Variants in RIN2 observed in about 807,000 individuals in gnomAD.
RIN2 encodes the protein RAB5 interacting protein 2.
RIN2 carries 36 observed loss-of-function variants against 78.0 expected under a neutral mutation model. The ratio of observed to expected loss-of-function variants is 0.46; its 90% CI spans 0.35 to 0.61. The LOEUF is 0.61. Ranked by LOEUF, RIN2 falls within the 20% of genes least tolerant of loss-of-function variation. The pLI is 0.00. For synonymous variants in RIN2, 466 were observed against 466.8 expected, an observed-to-expected ratio of 1.00 and a Z score of 0.02; for missense variants, 1,087 against 1,159.7, an observed-to-expected ratio of 0.94 and a Z score of 0.91.
rs1349226882 is a variant in RIN2 at position 19,975,198 on chromosome 20, C to T, written c.1173C>T (p.Gly391=). 5.6e-6 allele frequency: 9 copies of T among 1,602,122 alleles called. No homozygotes were observed. The East Asian group carries it at 9.0e-5, about 16-fold the overall frequency. The change falls in exon 9 of 13, where the codon GGC becomes GGT. Residue 391 remains glycine (G), a synonymous_variant. Transcript: ENST00000255006. The surrounding 1 kb of genome is among the most constrained non-coding windows in gnomAD (Gnocchi z 4.9). ...GCGCAGGCCCGGAGCTGGAGCTGGGCACAGCTGGCAGCCCAGGTGGGGCCC... is the reference window on the plus strand; with the variant it reads ...GCGCAGGCCCGGAGCTGGAGCTGGGTACAGCTGGCAGCCCAGGTGGGGCCC... The part of the protein sequence containing the change: ...RPGAGPELEL[G]TAGSPGGAPP...
intron 2 of RIN2, among the ~76,000 whole-genome samples, chr20:19,823,169 T>C (rs1192764676): frequency 6.6e-6 from 1 of 152,188 alleles, no homozygotes; most frequent in Non-Finnish European, 1.5e-5. Flanking sequence ...CCTGGTTTAA[T>C]AGTCGTAGAG....
chr20:19,758,709 C>T (rs984080171), intron 1 of RIN2, among the ~76,000 whole-genome samples: 1 of 152,118 alleles, frequency 6.6e-6, no homozygotes, highest in Admixed American at 6.5e-5. Context: ...GTGCACCGGA[C>T]GGAGTTTGGT....
chr20:19,982,743 T>A (rs923071713), intron 9 of RIN2, among the ~76,000 whole-genome samples: 5 of 152,214 alleles, frequency 3.3e-5, no homozygotes, highest in African/African-American at 1.2e-4. Context: ...GCATGAGGCT[T>A]TCACCAGAGC....
At chr20:19,851,057 A>AAAGGAAGGAAGGAAGGAAGGAAGG (rs142938284) in intron 2 of RIN2, among the ~76,000 whole-genome samples, 12 of 132,608 alleles carry the variant, frequency 9.0e-5, no homozygotes, top group African/African-American at 3.6e-4. Flanking sequence ...AAGGAGAAAG[A>AAAGGAAGGAAGGAAGGAAGGAAGG]AAGGAAGGAA....
At chr20:19,906,282 T>TAAAATACTAAAATACTAAATACTAAA (rs2039215460) in intron 3 of RIN2, among the ~76,000 whole-genome samples, 1 of 152,138 alleles carries the variant, frequency 6.6e-6, no homozygotes. Context: ...AGACCTTGTC[T>TAAAATACTAAAATACTAAATACTAAA]ATACTAAAAA....
chr20:19,921,345 C>T (rs2039910741), intron 3 of RIN2, among the ~76,000 whole-genome samples: 1 of 152,174 alleles, frequency 6.6e-6, no homozygotes, highest in African/African-American at 2.4e-5. Context: ...GTGGATGCCA[C>T]ACGTCAGCAA....
At position 19,956,625 on chromosome 20, in the gene RIN2, C is replaced by T. The variant is rs983026770; in HGVS notation, c.169C>T (p.His57Tyr). Reference sequence around the variant, plus strand: ...TTCTCTTTCTCCTAGCATGGTAAGACACAAGGATGGTGGCTATTCCGAGGA... The same window carrying T: ...TTCTCTTTCTCCTAGCATGGTAAGATACAAGGATGGTGGCTATTCCGAGGA... ...EPAETHSMVRHKDGGYSEEED... is the reference protein window; with the variant it reads ...EPAETHSMVRYKDGGYSEEED... Residue 57 changes from histidine to tyrosine, a missense_variant, in exon 5 of 13, where the codon CAC (histidine) becomes TAC (tyrosine). Physicochemically the swap from His to Tyr is moderately conservative, Grantham distance 83 (BLOSUM62 2). Around this residue, in one of 8 missense-constraint regions of RIN2, gnomAD observed 706 missense variants for 667.5 expected, o/e 1.06. Coordinates refer to ENST00000255006, the MANE Select transcript of RIN2 (RefSeq NM_018993.4). The T allele has an allele frequency of 1.2e-6, 2 of 1,613,146 alleles. No homozygotes were observed. The highest frequency in any genetic ancestry group is 2.7e-5 in the African/African-American group (2 of 74,900).
chr20:19,988,082 C>G (rs929241537), intron 9 of RIN2, among the ~76,000 whole-genome samples: 1 of 152,194 alleles, frequency 6.6e-6, no homozygotes, highest in African/African-American at 2.4e-5. Context: ...GATCCAGCGT[C>G]AGGAATTCCA....
chr20:19,952,161 G>C (rs4814928), intron 4 of RIN2, among the ~76,000 whole-genome samples: 11,930 of 152,222 alleles, frequency 0.078, 1,191 homozygotes, highest in African/African-American at 0.22. Flanking sequence ...CTCAACTCAA[G>C]GCTAGAAGGC....
intron 2 of RIN2, among the ~76,000 whole-genome samples, chr20:19,844,670 CTTCTTCTTCT>C (rs1568807668): frequency 0.018 from 708 of 40,418 alleles, 23 homozygotes; most frequent in South Asian, 0.056. Flanking sequence ...CTTCTTCTTC[CTTCTTCTTCT>C]TCTTCCTCTT....
At chr20:19,887,995 A>G (rs1453230628) in intron 2 of RIN2, among the ~76,000 whole-genome samples, 1 of 133,118 alleles carries the variant, frequency 7.5e-6, no homozygotes, top group Non-Finnish European at 1.7e-5. Flanking sequence ...TTCTTTCTGG[A>G]GTTGCTCCAA....
At chr20:19,996,331 AAAAC>A (rs994247582) in intron 11 of RIN2, among the ~76,000 whole-genome samples, 9 of 152,236 alleles carry the variant, frequency 5.9e-5, no homozygotes, top group East Asian at 5.8e-4. Context: ...AACAAACAAA[AAAAC>A]AAACAAACAA....
intron 1 of RIN2, among the ~76,000 whole-genome samples, chr20:19,796,028 T>TA (rs796566933): frequency 1.5e-5 from 2 of 137,816 alleles, no homozygotes; most frequent in African/African-American, 5.4e-5. Context: ...TGAAGCTGTC[T>TA]AAAAAAAAAG....
At chr20:19,831,238 G>A (rs938230989) in intron 2 of RIN2, among the ~76,000 whole-genome samples, 4 of 152,152 alleles carry the variant, frequency 2.6e-5, no homozygotes, top group East Asian at 1.9e-4. Flanking sequence ...AAGTAGTTTC[G>A]TTCGTCTAAA....
chr20:19,927,876 T>C (rs1307542910), intron 3 of RIN2, among the ~76,000 whole-genome samples: 1 of 151,534 alleles, frequency 6.6e-6, no homozygotes, highest in African/African-American at 2.4e-5. Flanking sequence ...AGGAAGAGGA[T>C]TAGAGAGTAT....
At chr20:19,831,941 A>C (rs2036262448) in intron 2 of RIN2, among the ~76,000 whole-genome samples, 1 of 152,224 alleles carries the variant, frequency 6.6e-6, no homozygotes, top group African/African-American at 2.4e-5. Context: ...TCTACCATAC[A>C]GATAATGTTT....
chr20:19,826,499 G>T (rs747932866), intron 2 of RIN2, among the ~76,000 whole-genome samples: 1 of 152,140 alleles, frequency 6.6e-6, no homozygotes, highest in Non-Finnish European at 1.5e-5. Context: ...ATATCCATTA[G>T]CTTCTTCTGC....
intron 2 of RIN2, among the ~76,000 whole-genome samples, chr20:19,854,809 A>G (rs971341274): frequency 2.0e-5 from 3 of 152,186 alleles, no homozygotes; most frequent in Non-Finnish European, 4.4e-5. Flanking sequence ...CTAAATATAT[A>G]ATCATGTCAT....
chr20:19,832,991 G>A (rs981129969), intron 2 of RIN2, among the ~76,000 whole-genome samples: 1 of 152,090 alleles, frequency 6.6e-6, no homozygotes, highest in East Asian at 1.9e-4. Flanking sequence ...ATGCTCCAGA[G>A]CCTAATGAAA....
Sources: gnomAD v4.1 joint callset for allele counts (sites outside exome capture counted in the v4.1 genomes callset) on GRCh38, gnomAD v4.1.1 for gene constraint, gnomAD v4.1.1 regional missense constraint, Gnocchi (gnomAD v3.1) non-coding constraint, MANE v1.5 for transcripts, NCBI Gene and HGNC (gene_info 2026-07-23, HGNC 2026-07-21) for gene names.